The following SLC12A7 variants were observed in gnomAD, a reference collection of about 807,000 sequenced individuals.
SLC12A7 encodes solute carrier family 12 member 7, also known as K-Cl cotransporter 4.
SLC12A7 carries 100 observed loss-of-function variants against 120.6 expected under a neutral mutation model. The observed-to-expected ratio is 0.83, with a 90% confidence interval of 0.71 to 0.98. The LOEUF (loss-of-function observed/expected upper bound fraction) is 0.98, where lower values mean the gene tolerates loss of function less well. SLC12A7 is among the 50% of genes least tolerant of loss of function. The probability of loss-of-function intolerance (pLI) is 0.00; values close to 1 mark genes in which losing one functional copy is unlikely to be tolerated. For synonymous variants in SLC12A7, 760 were observed against 678.0 expected (o/e 1.12, Z -1.88); for missense variants, 1,373 against 1,548.1 (o/e 0.89, Z 1.90).
At chr5:1,106,409 T>C (rs1329253424) in intron 1 of SLC12A7, among the ~76,000 whole-genome samples, 6 of 143,966 alleles carry the variant, frequency 4.2e-5, no homozygotes, top group African/African-American at 1.3e-4. Flanking sequence ...GCTGAGTCTG[T>C]GCCACTGCAC....
the SLC12A7 span, among the ~76,000 whole-genome samples, chr5:1,122,565 T>C: frequency 1.7e-3 from 266 of 152,340 alleles, no homozygotes; most frequent in African/African-American, 6.0e-3. Flanking sequence ...CAGCTGTGCG[T>C]CCACCTTCAC....
rs538948729 is a variant in SLC12A7, at chr5:1,057,635, G to A, written c.2862C>T (p.His954=). ...CGGTGTGGGACGCGGTGTTCCTGTCGTGGATCAGCTGGGCCTGGCGGGCCC... is the reference window on the plus strand; with the variant it reads ...CGGTGTGGGACGCGGTGTTCCTGTCATGGATCAGCTGGGCCTGGCGGGCCC... ...NEQEREAQLI[H]DRNTASHTAA... Residue 954 remains histidine, a synonymous_variant, in exon 22 of 24, where the codon CAC becomes CAT. Transcript: ENST00000264930. 61 of 1,600,344 alleles carry A rather than the reference G, an allele frequency of 3.8e-5. No homozygotes were observed. Among genetic ancestry groups the A allele is most frequent in the Middle Eastern group, 1.7e-4 (1 of 6,048 alleles).
chr5:1,100,121 C>T (rs565203402), intron 1 of SLC12A7, among the ~76,000 whole-genome samples: 15 of 152,310 alleles, frequency 9.8e-5, no homozygotes, highest in Admixed American at 7.2e-4. Context: ...GCGAGGCAGC[C>T]GCTCAGGAAT....
In SLC12A7 at chr5:1,087,246, C is replaced by T. The variant is rs1321147815; in HGVS notation, c.545-213G>A. Among the ~76,000 whole-genome samples, 5 of 152,196 alleles carry T rather than the reference C, an allele frequency of 3.3e-5. No individual in the cohort carries two copies. In the East Asian group the frequency reaches 5.8e-4, roughly 18 times the overall value. On this transcript the variant is annotated intron_variant, in intron 5 of 23. Transcript: ENST00000264930. ...GCACACGTTCCACACCAAGAGCACG[C>T]GCTCTCATGGACATGAGGACCAGGT...
At chr5:1,131,334 C>T in the SLC12A7 span, among the ~76,000 whole-genome samples, 1 of 152,190 alleles carries the variant, frequency 6.6e-6, no homozygotes, top group Non-Finnish European at 1.5e-5. Context: ...CATTCCTGGG[C>T]CCCTCCTTTT....
chr5:1,065,945 G>A (rs1737005499), intron 17 of SLC12A7, among the ~76,000 whole-genome samples: 1 of 152,092 alleles, frequency 6.6e-6, no homozygotes, highest in African/African-American at 2.4e-5. Flanking sequence ...GTGGGGGACT[G>A]CCGTGTGGTC....
chr5:1,053,002 A>G (rs1461606885), intron 23 of SLC12A7, among the ~76,000 whole-genome samples: 1 of 152,206 alleles, frequency 6.6e-6, no homozygotes, highest in African/African-American at 2.4e-5. Context: ...TTGTCGGCGC[A>G]GGGTGGGGCT....
chr5:1,080,626 G>A (rs940268970), intron 9 of SLC12A7, among the ~76,000 whole-genome samples: 27 of 152,242 alleles, frequency 1.8e-4, no homozygotes, highest in Non-Finnish European at 3.5e-4. Flanking sequence ...CCGACAAGAA[G>A]GCCGAGTGGA....
At chr5:1,149,494 T>C in the SLC12A7 span, among the ~76,000 whole-genome samples, 3 of 152,066 alleles carry the variant, frequency 2.0e-5, no homozygotes, top group South Asian at 4.1e-4. Flanking sequence ...AGATAATCAC[T>C]TGAACCCGGG....
chr5:1,107,198 T>C (rs1200995864), intron 1 of SLC12A7, among the ~76,000 whole-genome samples: 2 of 152,250 alleles, frequency 1.3e-5, no homozygotes, highest in Non-Finnish European at 1.5e-5. Context: ...CTCAGCCTTC[T>C]TTGAGAAGAA....
chr5:1,123,383 C>T, the SLC12A7 span, among the ~76,000 whole-genome samples: 37 of 152,274 alleles, frequency 2.4e-4, no homozygotes, highest in African/African-American at 8.9e-4. Flanking sequence ...TGGGTCCCAG[C>T]ACCTGCAAGC....
upstream of SLC12A7, among the ~76,000 whole-genome samples, chr5:1,116,045 A>G (rs1743309168): frequency 6.6e-6 from 1 of 151,998 alleles, no homozygotes; most frequent in Admixed American, 6.5e-5. Flanking sequence ...CTCCCTGCCC[A>G]GGAGTCCCAC....
rs1383169503 is a variant in SLC12A7, at chr5:1,051,495, G to C, written c.*865C>G. The C allele has an allele frequency of 6.6e-6, 1 of 152,522 alleles. No individual in the cohort carries two copies. Among genetic ancestry groups the C allele is most frequent in the Admixed American group, 6.5e-5 (1 of 15,294 alleles). The allele number at this position is 152,522 out of a possible 1,614,324, so 9.4% of individuals were successfully genotyped here. A position where few individuals can be genotyped will look rare whatever the true frequency, so the allele number is the denominator to read the frequency against. ...TGGGTTTCAGTGCATTTGCCTGCGT[G>C]AGGCACTGATCGCACCTGTGGCTGT... On this transcript the variant is annotated 3_prime_UTR_variant, in exon 24 of 24. Coordinates refer to ENST00000264930, the MANE Select transcript of SLC12A7 (RefSeq NM_006598.3).
Position 1,075,454 on chromosome 5 carries a change from C to T in SLC12A7, c.1884G>A (p.Ala628=), listed in dbSNP as rs375780512. ...LSFLGMSLCL[A]LMFICSWYYA... ...AGTACCAGGAGCAGATGAACATCAG[C>T]GCCAGGCACAGGCTCATACCCAGAA... The change falls in exon 15 of 24, where the codon GCG becomes GCA. Residue 628 remains alanine, a synonymous_variant. Transcript: ENST00000264930. 6.0e-5 allele frequency: 96 copies of T among 1,612,384 alleles called. No individual in the cohort carries two copies. Among genetic ancestry groups the T allele is most frequent in the Middle Eastern group, 3.3e-4 (2 of 6,078 alleles).
the SLC12A7 span, among the ~76,000 whole-genome samples, chr5:1,139,605 G>A: frequency 7.9e-5 from 12 of 152,338 alleles, no homozygotes; most frequent in Admixed American, 2.6e-4. Flanking sequence ...TGTGGGTGCC[G>A]GGAAACAGGA....
chr5:1,056,862 G>A (rs1022026558), intron 22 of SLC12A7, among the ~76,000 whole-genome samples: 45 of 152,314 alleles, frequency 3.0e-4, no homozygotes, highest in African/African-American at 1.1e-3. Flanking sequence ...CCTGGTGTTC[G>A]CAGCCCAAGG....
In SLC12A7 at chr5:1,080,588, C is replaced by T. The variant is rs975378348; in HGVS notation, c.1297+989G>A. Among the ~76,000 whole-genome samples, 52 of 152,372 alleles carry T rather than the reference C, an allele frequency of 3.4e-4. 2 individuals are homozygous for T. Among genetic ancestry groups the T allele is most frequent in the African/African-American group, 1.2e-3 (50 of 41,598 alleles). ...ACCAGAAGGGCAGCTGCAGGCTGCACAAGCAGCCAGCGCCTGTCAGGGGCG... is the reference window on the plus strand; with the variant it reads ...ACCAGAAGGGCAGCTGCAGGCTGCATAAGCAGCCAGCGCCTGTCAGGGGCG... On this transcript the variant is annotated intron_variant, in intron 9 of 23. Coordinates refer to ENST00000264930, the MANE Select transcript of SLC12A7 (RefSeq NM_006598.3).
rs1180068158 is a variant in SLC12A7, at chr5:1,093,514, A to ACTGGG, written c.342+18_342+19insCCCAG. 1.3e-6 allele frequency: 2 copies of ACTGGG among 1,585,196 alleles called. No homozygotes were observed. Among genetic ancestry groups the ACTGGG allele is most frequent in the East Asian group, 4.6e-5 (2 of 43,842 alleles). The stretch of plus-strand genomic sequence containing the variant: ...CACACGGGGCGGGGACTGGGCGGGC[A>ACTGGG]CGGGCAGGGTGGCAGTACCTTGGCC... On this transcript the variant is annotated intron_variant, in intron 3 of 23. Coordinates refer to ENST00000264930, the MANE Select transcript of SLC12A7 (RefSeq NM_006598.3).
At chr5:1,119,439 A>G in the SLC12A7 span, among the ~76,000 whole-genome samples, 3 of 152,178 alleles carry the variant, frequency 2.0e-5, no homozygotes, top group Non-Finnish European at 4.4e-5. Flanking sequence ...GCAGGCACGC[A>G]CACATCCCTG....
Sources: gnomAD v4.1 joint callset for allele counts (sites outside exome capture counted in the v4.1 genomes callset) on GRCh38, gnomAD v4.1.1 for gene constraint, MANE v1.5 for transcripts, NCBI Gene and HGNC (gene_info 2026-07-23, HGNC 2026-07-21) for gene names.